The following THSD7B variants were observed in gnomAD, a reference collection of about 807,000 sequenced individuals.
THSD7B encodes thrombospondin type-1 domain-containing protein 7B.
In THSD7B, 138 loss-of-function variants were observed where a neutral mutation model predicts 213.6. That is an observed-to-expected ratio of 0.65 (90% CI 0.56 to 0.74). The LOEUF (loss-of-function observed/expected upper bound fraction) is 0.74, where lower values mean the gene tolerates loss of function less well. THSD7B is among the 30% of genes least tolerant of loss of function. The pLI is 0.00. For synonymous variants in THSD7B, 742 were observed against 687.0 expected (o/e 1.08, Z -1.25); for missense variants, 1,931 against 1,991.5 (o/e 0.97, Z 0.58).
At chr2:137,543,718 G>A (rs1276813021) in intron 15 of THSD7B, among the ~76,000 whole-genome samples, 3 of 151,696 alleles carry the variant, frequency 2.0e-5, no homozygotes, top group Non-Finnish European at 2.9e-5. Flanking sequence ...CCATACATCT[G>A]ATAAGGGTGT....
At chr2:136,851,403 A>G (rs1401637441) in intron 1 of THSD7B, among the ~76,000 whole-genome samples, 1 of 152,022 alleles carries the variant, frequency 6.6e-6, no homozygotes, top group Non-Finnish European at 1.5e-5. Flanking sequence ...TTGTCTTTGT[A>G]TCCTGGATTC....
At chr2:137,071,490 T>A (rs571377934) in intron 3 of THSD7B, among the ~76,000 whole-genome samples, 213 of 152,348 alleles carry the variant, frequency 1.4e-3, no homozygotes, top group African/African-American at 5.0e-3. Flanking sequence ...GCAAAAATTT[T>A]CTCCCATTTT....
intron 1 of THSD7B, among the ~76,000 whole-genome samples, chr2:136,799,885 G>A (rs1682144895): frequency 6.6e-6 from 1 of 151,710 alleles, no homozygotes; most frequent in Admixed American, 6.6e-5. Context: ...GGGTCACTTT[G>A]GTTTTACTTC....
intron 5 of THSD7B, among the ~76,000 whole-genome samples, chr2:137,131,086 T>A (rs12997212): frequency 0.45 from 51,956 of 114,632 alleles, 13,232 homozygotes; most frequent in Non-Finnish European, 0.55. Flanking sequence ...TGATGTGAGA[T>A]GGTATCTCAT....
At position 137,281,367 on chromosome 2, in the gene THSD7B, A is replaced by T. The variant is rs192305643; in HGVS notation, c.2500+5341A>T. Among the ~76,000 whole-genome samples the T allele has an allele frequency of 6.6e-5, 10 of 151,570 alleles. No homozygotes were observed. In the East Asian group the frequency reaches 1.6e-3, roughly 24 times the overall value. On this transcript the variant is annotated intron_variant, in intron 12 of 27. Coordinates refer to ENST00000409968, the MANE Select transcript of THSD7B (RefSeq NM_001316349.2). ...TACCTTTAGTTTTATTTATTTATTTATTTTTTTACTGGATGATAATGTGAC... is the reference window on the plus strand; with the variant it reads ...TACCTTTAGTTTTATTTATTTATTTTTTTTTTTACTGGATGATAATGTGAC...
chr2:137,104,585 C>T (rs905456826), intron 4 of THSD7B, among the ~76,000 whole-genome samples: 8 of 151,992 alleles, frequency 5.3e-5, no homozygotes, highest in East Asian at 1.9e-4. Context: ...GATAGAGACA[C>T]GAAAAGCCCT....
chr2:137,097,769 GACACACACACACACACAC>G (rs3050089), intron 4 of THSD7B, among the ~76,000 whole-genome samples: 4 of 141,350 alleles, frequency 2.8e-5, no homozygotes, highest in African/African-American at 5.2e-5. Flanking sequence ...CGCTAAGTTT[GACACACACACACACACAC>G]ACACACACAC....
At chr2:136,804,569 G>A (rs1682251290) in intron 1 of THSD7B, among the ~76,000 whole-genome samples, 1 of 152,082 alleles carries the variant, frequency 6.6e-6, no homozygotes, top group African/African-American at 2.4e-5. Flanking sequence ...AGCTTGGGGT[G>A]TTTCCATAAT....
At chr2:137,442,909 G>T (rs1400688358) in intron 14 of THSD7B, among the ~76,000 whole-genome samples, 2 of 152,128 alleles carry the variant, frequency 1.3e-5, no homozygotes, top group Non-Finnish European at 1.5e-5. Context: ...TGGAGCCACA[G>T]TTCTAAGAAT....
In THSD7B at chr2:137,115,211, C is replaced by T. The variant is rs749038829; in HGVS notation, c.1287C>T (p.Pro429=). 6.2e-5 allele frequency: 100 copies of T among 1,613,674 alleles called. No individual in the cohort carries two copies. The highest frequency in any genetic ancestry group is 1.6e-4 in the Middle Eastern group (1 of 6,082). ...ATCCCCACTGGCATGTGACGGGACC[C>T]GTGTGTGGCGGTGGGATCCAGACCC... ...QQDPHWHVTG[P]VCGGGIQTRE... Residue 429 remains proline (P), a synonymous_variant, in exon 5 of 28, where the codon CCC becomes CCT. Transcript: ENST00000409968.
At chr2:136,902,976 G>A (rs1448085307) in intron 2 of THSD7B, among the ~76,000 whole-genome samples, 2 of 152,212 alleles carry the variant, frequency 1.3e-5, no homozygotes, top group Non-Finnish European at 2.9e-5. Flanking sequence ...GATGAAATTG[G>A]CTTGTGTCCA....
intron 12 of THSD7B, among the ~76,000 whole-genome samples, chr2:137,303,742 A>ATATATATATATT (rs1683671495): frequency 1.7e-5 from 2 of 117,570 alleles, no homozygotes; most frequent in Non-Finnish European, 3.5e-5. Context: ...ATATATATTT[A>ATATATATATATT]TATATATATA....
chr2:137,229,325 C>CTATA (rs896364882), intron 7 of THSD7B, among the ~76,000 whole-genome samples: 21 of 151,548 alleles, frequency 1.4e-4, no homozygotes, highest in African/African-American at 5.1e-4. Flanking sequence ...CTGCCTGCTT[C>CTATA]TATACTTGTG....
chr2:137,341,928 G>GT (rs548194238), intron 12 of THSD7B, among the ~76,000 whole-genome samples: 56 of 150,980 alleles, frequency 3.7e-4, no homozygotes, highest in Admixed American at 1.3e-3. Context: ...TTTTTTGTTT[G>GT]TTTTTTTGTT....
In THSD7B at chr2:137,217,759, T is replaced by C. The variant is rs1241787390; in HGVS notation, c.1724-13285T>C. Among the ~76,000 whole-genome samples, 3 of 152,212 alleles carry C rather than the reference T, an allele frequency of 2.0e-5. No homozygotes were observed. The East Asian group carries it at 5.8e-4, about 29-fold the overall frequency. ...CTCATTTCAGTTCAATTAGCATTTA[T>C]TGACTACTTACTATGAGCCAAGTAC... On this transcript the variant is annotated intron_variant, in intron 7 of 27. Coordinates refer to ENST00000409968, the MANE Select transcript of THSD7B (RefSeq NM_001316349.2).
At chr2:137,559,546 A>C (rs7569823) in intron 15 of THSD7B, among the ~76,000 whole-genome samples, 88,587 of 151,992 alleles carry the variant, frequency 0.58, 27,034 homozygotes, top group African/African-American at 0.77. Context: ...TTCCTTACAC[A>C]GTATACAAAA....
Position 137,122,489 on chromosome 2 carries a change from G to A in THSD7B, c.1369+7196G>A, listed in dbSNP as rs540175537. Among the ~76,000 whole-genome samples, 14 of 152,280 alleles carry A rather than the reference G, an allele frequency of 9.2e-5. No homozygotes were observed. The East Asian group carries it at 1.9e-3, about 21-fold the overall frequency. ...GCAGGCCATGTGTAAAGACACTGAA[G>A]TGGAAAGGCAGAGAACATATTTTCA... On this transcript the variant is annotated intron_variant, in intron 5 of 27. Transcript: ENST00000409968.
intron 12 of THSD7B, among the ~76,000 whole-genome samples, chr2:137,303,472 C>G (rs1194207316): frequency 6.6e-6 from 1 of 151,080 alleles, no homozygotes; most frequent in African/African-American, 2.4e-5. Flanking sequence ...ATTTCAAATG[C>G]TTTATTTTAT....
chr2:136,788,354 A>T (rs1262855094), intron 1 of THSD7B, among the ~76,000 whole-genome samples: 1 of 152,174 alleles, frequency 6.6e-6, no homozygotes, highest in East Asian at 1.9e-4. Flanking sequence ...AATTAACTGA[A>T]AGTGTGCTGG....
Sources: gnomAD v4.1 joint callset for allele counts (sites outside exome capture counted in the v4.1 genomes callset) on GRCh38, gnomAD v4.1.1 for gene constraint, MANE v1.5 for transcripts, NCBI Gene and HGNC (gene_info 2026-07-23, HGNC 2026-07-21) for gene names.